The following SHANK2 variants were observed in gnomAD, a reference collection of about 807,000 sequenced individuals.
SHANK2 encodes the protein SH3 and multiple ankyrin repeat domains protein 2.
Under a neutral mutation model 133.7 loss-of-function variants are expected in SHANK2, and 43 were observed. The observed-to-expected ratio is 0.32, with a 90% CI of 0.25 to 0.41. The LOEUF (loss-of-function observed/expected upper bound fraction) is 0.41. SHANK2 is among the 10% of genes least tolerant of loss of function. SHANK2 has a pLI of 1.00. For missense variants in SHANK2, 1,994 were observed against 2,235.8 expected, an observed-to-expected ratio of 0.89 and a Z score of 2.18; for synonymous variants, 1,017 against 952.8, an observed-to-expected ratio of 1.07 and a Z score of -1.24.
At chr11:70,763,985 T>A (rs11605210) in intron 14 of SHANK2, among the ~76,000 whole-genome samples, 53,391 of 151,936 alleles carry the variant, frequency 0.35, 9,774 homozygotes, top group East Asian at 0.59. Context: ...CATGTATTTA[T>A]TCAGAGCTGT....
At chr11:71,134,946 T>A (rs1419124859) in intron 3 of SHANK2, among the ~76,000 whole-genome samples, 2 of 152,114 alleles carry the variant, frequency 1.3e-5, no homozygotes, top group East Asian at 3.9e-4. Context: ...CGATGTCACA[T>A]GCTCTGTACC....
chr11:70,870,816 G>A (rs576958174), intron 11 of SHANK2, among the ~76,000 whole-genome samples: 6 of 152,116 alleles, frequency 3.9e-5, no homozygotes, highest in East Asian at 1.9e-4. Context: ...TTGCTGTGTC[G>A]CCCAGGCTGG....
In SHANK2 at chr11:70,864,053, G is replaced by T. The variant is rs577289541; in HGVS notation, c.1174+32448C>A. Reference sequence around the variant, plus strand: ...TGGCCCCTCAGTCTCTACGACCTGGGCACCTTGCAAGCACAAGAAAGGGAC... The same window carrying T: ...TGGCCCCTCAGTCTCTACGACCTGGTCACCTTGCAAGCACAAGAAAGGGAC... On this transcript the variant is annotated intron_variant, in intron 11 of 25. Coordinates refer to ENST00000601538, the MANE Select transcript of SHANK2 (RefSeq NM_012309.5). 1.3e-4 allele frequency: 43 copies of T among 342,660 alleles called. No individual in the cohort carries two copies. In the East Asian group the frequency reaches 3.4e-3, roughly 27 times the overall value. The allele number at this position is 342,660 out of a possible 1,614,324, so 21.2% of individuals were successfully genotyped here. A position where few individuals can be genotyped will look rare whatever the true frequency, so the allele number is the denominator to read the frequency against.
chr11:70,912,587 C>T (rs782347308), intron 10 of SHANK2, among the ~76,000 whole-genome samples: 11 of 152,112 alleles, frequency 7.2e-5, no homozygotes, highest in Non-Finnish European at 1.2e-4. Flanking sequence ...CCTCCCCAGC[C>T]GTGTGGAACT....
chr11:70,522,155 G>GC, intron 17 of SHANK2, among the ~76,000 whole-genome samples: 1 of 152,304 alleles, frequency 6.6e-6, no homozygotes, highest in South Asian at 2.1e-4. Flanking sequence ...CCCCACCACA[G>GC]CCCCGCTCCA....
chr11:70,556,069 C>G (rs2059825000), intron 17 of SHANK2, among the ~76,000 whole-genome samples: 1 of 152,230 alleles, frequency 6.6e-6, no homozygotes, highest in Admixed American at 6.5e-5. Flanking sequence ...GAAGATCTAG[C>G]TGAGATCACT....
intron 10 of SHANK2, among the ~76,000 whole-genome samples, chr11:70,940,567 C>T (rs1370742675): frequency 6.6e-6 from 1 of 152,026 alleles, no homozygotes; most frequent in Non-Finnish European, 1.5e-5. Flanking sequence ...TCACAGCAGG[C>T]CCAGGACACA....
chr11:70,800,096 G>C (rs1450502585), intron 13 of SHANK2, among the ~76,000 whole-genome samples: 1 of 151,922 alleles, frequency 6.6e-6, no homozygotes, highest in Non-Finnish European at 1.5e-5. Context: ...TCATCACAGC[G>C]CACTGCAGCC....
chr11:70,578,451 C>T (rs192905357), intron 17 of SHANK2, among the ~76,000 whole-genome samples: 3 of 152,326 alleles, frequency 2.0e-5, no homozygotes, highest in Non-Finnish European at 4.4e-5. Context: ...AGGCGCATCA[C>T]GACGCACAGC....
chr11:70,588,041 G>A (rs1187820926), intron 17 of SHANK2, among the ~76,000 whole-genome samples: 1 of 151,918 alleles, frequency 6.6e-6, no homozygotes, highest in Non-Finnish European at 1.5e-5. Context: ...ATTGTTTTGG[G>A]GTGCCATGAA....
At position 71,127,806 on chromosome 11, in the gene SHANK2, T is replaced by C. The variant is rs184885698; in HGVS notation, c.208-8774A>G. ...CAGTGGTCTGGAACCAGACTCACTA[T>C]CTCTAAGATATGCCTGTTATGTAAG... On this transcript the variant is annotated intron_variant, in intron 3 of 25. Transcript: ENST00000601538. Among the ~76,000 whole-genome samples, 263 of 152,338 alleles carry C rather than the reference T, an allele frequency of 1.7e-3. 1 individual carries two copies. Among genetic ancestry groups the C allele is most frequent in the African/African-American group, 5.8e-3 (241 of 41,574 alleles).
At chr11:71,067,607 C>T (rs1308224391) in intron 9 of SHANK2, among the ~76,000 whole-genome samples, 2 of 152,168 alleles carry the variant, frequency 1.3e-5, no homozygotes, top group African/African-American at 4.8e-5. Flanking sequence ...TGATAAAGCA[C>T]ATGTAACAAT....
In SHANK2 at chr11:70,500,649, T is replaced by C; in HGVS notation, c.2288-59A>G. 6.4e-7 allele frequency: 1 copy of C among 1,573,570 alleles called. No homozygotes were observed. Among genetic ancestry groups the C allele is most frequent in the South Asian group, 1.2e-5 (1 of 85,642 alleles). On this transcript the variant is annotated intron_variant, in intron 20 of 25. Transcript: ENST00000601538. This position sits in a 1 kb window ranked among gnomAD's most constrained non-coding sequence, Gnocchi z 4.5. ...CAGGATGCAGCGCCCGCCCGCAGCC[T>C]ACACTCGGGCCTTGTCAGCTCAGGG...
chr11:70,761,980 T>C (rs941696700), intron 14 of SHANK2, among the ~76,000 whole-genome samples: 9 of 152,186 alleles, frequency 5.9e-5, no homozygotes, highest in Admixed American at 5.9e-4. Context: ...CCCAGGTGGT[T>C]CTCAGCCCCA....
chr11:71,169,124 A>T (rs1555111711), intron 2 of SHANK2, among the ~76,000 whole-genome samples: 1 of 152,162 alleles, frequency 6.6e-6, no homozygotes, highest in Non-Finnish European at 1.5e-5. Flanking sequence ...TTATGGGGTG[A>T]ACACAGACGC....
At chr11:70,512,223 A>G (rs1231099001) in intron 17 of SHANK2, among the ~76,000 whole-genome samples, 6 of 152,174 alleles carry the variant, frequency 3.9e-5, no homozygotes, top group Non-Finnish European at 7.3e-5. Context: ...TGCCAGCAAT[A>G]ATCTCCACCC....
intron 2 of SHANK2, among the ~76,000 whole-genome samples, chr11:71,147,555 A>C (rs1464921046): frequency 3.3e-5 from 5 of 152,164 alleles, no homozygotes; most frequent in Admixed American, 6.5e-5. Flanking sequence ...CTGGAGCTTG[A>C]GCCAGAGGCG....
intron 15 of SHANK2, among the ~76,000 whole-genome samples, chr11:70,693,041 A>G (rs1945322655): frequency 6.6e-6 from 1 of 152,108 alleles, no homozygotes; most frequent in African/African-American, 2.4e-5. Context: ...TAAGTCCTCC[A>G]TGCTCTTCCT....
chr11:70,486,087 A>G lies in SHANK2; in HGVS notation c.4206T>C (p.Asp1402=), dbSNP rs1050277039. Residue 1402 remains aspartate, a synonymous_variant, in exon 25 of 26, where the codon GAT becomes GAC. Transcript: ENST00000601538. The surrounding 1 kb of genome is among the most constrained non-coding windows in gnomAD (Gnocchi z 8.0). ...PPPPLASVDL[D]EDFIFTEPLP... The stretch of plus-strand genomic sequence containing the variant: ...ATGGCTCTGTAAAAATAAAATCCTC[A>G]TCCAAGTCCACGGATGCCAGAGGGG... The G allele has an allele frequency of 6.2e-7, 1 of 1,614,062 alleles. No individual in the cohort carries two copies. Among genetic ancestry groups the G allele is most frequent in the Non-Finnish European group, 8.5e-7 (1 of 1,180,020 alleles).
Sources: allele counts gnomAD v4.1 joint callset (sites outside exome capture counted in the v4.1 genomes callset), GRCh38; gene constraint gnomAD v4.1.1; non-coding constraint Gnocchi (gnomAD v3.1); transcripts MANE v1.5; gene names NCBI Gene and HGNC (gene_info 2026-07-23, HGNC 2026-07-21).